Variants in LRRIQ3 observed in about 807,000 individuals in gnomAD.
LRRIQ3 encodes leucine rich repeats and IQ motif containing 3, also known as leucine-rich repeat and IQ domain-containing protein 3.
In LRRIQ3, 75 loss-of-function variants were observed where a neutral mutation model predicts 59.3. The observed-to-expected ratio is 1.26, with a 90% CI of 1.05 to 1.53. The LOEUF is 1.53. LRRIQ3 is among the 40% of genes most tolerant of loss of function. The probability of loss-of-function intolerance (pLI) is 0.00; values close to 1 mark genes in which losing one functional copy is unlikely to be tolerated. For synonymous variants in LRRIQ3, 250 were observed against 231.3 expected (o/e 1.08, Z -0.73); for missense variants, 831 against 710.0 (o/e 1.17, Z -1.94).
chr1:74,103,374 A>G (rs1176834962), intron 5 of LRRIQ3, among the ~76,000 whole-genome samples: 1 of 151,972 alleles, frequency 6.6e-6, no homozygotes, highest in Admixed American at 6.6e-5. Context: ...AATAAATTGC[A>G]TTACTGGTGG....
At chr1:74,188,835 GTC>G (rs1650573709) in intron 1 of LRRIQ3, among the ~76,000 whole-genome samples, 1 of 152,120 alleles carries the variant, frequency 6.6e-6, no homozygotes, top group Admixed American at 6.6e-5. Context: ...AAATGACAAA[GTC>G]TCTCCCATTT....
chr1:74,198,109 A>C lies in LRRIQ3; in HGVS notation c.-114T>G, dbSNP rs778748702. 1.6e-4 allele frequency: 222 copies of C among 1,363,848 alleles called. No individual in the cohort carries two copies. Among genetic ancestry groups the C allele is most frequent in the Middle Eastern group, 2.7e-4 (1 of 3,756 alleles). The allele number at this position is 1,363,848 out of a possible 1,614,324, so 84.5% of individuals were successfully genotyped here. On this transcript the variant is annotated 5_prime_UTR_variant, in exon 1 of 8. Coordinates refer to ENST00000354431, the MANE Select transcript of LRRIQ3 (RefSeq NM_001105659.2). ...TCCTGAGACCGTTGCTAGAGAAACA[A>C]GACAACATCCAAGTTCTCCACATCA...
chr1:74,178,832 C>T (rs11210427), intron 3 of LRRIQ3, among the ~76,000 whole-genome samples: 48,124 of 151,912 alleles, frequency 0.32, 8,490 homozygotes, highest in Middle Eastern at 0.45. Context: ...AATGAACGGA[C>T]TTCACTGGCA....
chr1:74,161,750 T>G (rs1005052854), intron 3 of LRRIQ3, among the ~76,000 whole-genome samples: 2 of 151,780 alleles, frequency 1.3e-5, no homozygotes, highest in Non-Finnish European at 2.9e-5. Context: ...AACAGAATAT[T>G]CATCAGCTCT....
chr1:74,100,163 G>A (rs568356780), intron 5 of LRRIQ3, among the ~76,000 whole-genome samples: 17 of 152,180 alleles, frequency 1.1e-4, no homozygotes, highest in Non-Finnish European at 1.8e-4. Flanking sequence ...AAACCCCATC[G>A]TCTCAGCCCC....
At position 74,057,603 on chromosome 1, in the gene LRRIQ3, A is replaced by G. The variant is rs564403910; in HGVS notation, c.998-15670T>C. On this transcript the variant is annotated intron_variant, in intron 6 of 7. Transcript: ENST00000354431. ...CATATAAAAAATCTACTCAAAATGC[A>G]TTAAAGACTTATATGTAAGACTTGA... Among the ~76,000 whole-genome samples the G allele has an allele frequency of 2.6e-5, 4 of 152,328 alleles. No homozygotes were observed. The South Asian group carries it at 8.3e-4, about 32-fold the overall frequency.
chr1:74,182,434 T>C (rs1650037167), intron 3 of LRRIQ3, 104 bp downstream of exon 3: 1 of 574,552 alleles, frequency 1.7e-6, no homozygotes. Flanking sequence ...ATATAAATGA[T>C]GCAAAAATAT....
chr1:74,075,850 G>C (rs555162602), intron 5 of LRRIQ3, among the ~76,000 whole-genome samples: 1 of 152,100 alleles, frequency 6.6e-6, no homozygotes, highest in African/African-American at 2.4e-5. Context: ...CTTTTCACAT[G>C]AGTGAAAATA....
In LRRIQ3 at chr1:74,062,113, G is replaced by A. The variant is rs1039122157; in HGVS notation, c.997+12548C>T. Among the ~76,000 whole-genome samples the A allele has an allele frequency of 3.3e-5, 5 of 152,010 alleles. No individual in the cohort carries two copies. In the East Asian group the frequency reaches 9.7e-4, roughly 29 times the overall value. Reference sequence around the variant, plus strand: ...CAAGGCAAAATAAATTATCAACAAAGTAAACAGACAACCTACAGAATGGGA... The same window carrying A: ...CAAGGCAAAATAAATTATCAACAAAATAAACAGACAACCTACAGAATGGGA... On this transcript the variant is annotated intron_variant, in intron 6 of 7. Coordinates refer to ENST00000354431, the MANE Select transcript of LRRIQ3 (RefSeq NM_001105659.2).
Position 74,068,345 on chromosome 1 carries a change from C to T in LRRIQ3, c.997+6316G>A, listed in dbSNP as rs765618235. 7.2e-5 allele frequency among the ~76,000 whole-genome samples: 11 copies of T among 152,142 alleles called. No individual in the cohort carries two copies. In the South Asian group the frequency reaches 2.1e-3, roughly 29 times the overall value. ...GGACCTTGCAGCTATATTAATGGAA[C>T]ATATGGCCTCTAAGATCTGCATAGC... is the stretch of plus-strand genomic sequence containing the variant. On this transcript the variant is annotated intron_variant, in intron 6 of 7. Coordinates refer to ENST00000354431, the MANE Select transcript of LRRIQ3 (RefSeq NM_001105659.2).
At chr1:74,032,168 T>G (rs553468920) in intron 7 of LRRIQ3, among the ~76,000 whole-genome samples, 2 of 152,138 alleles carry the variant, frequency 1.3e-5, no homozygotes, top group East Asian at 3.9e-4. Flanking sequence ...TTCAGATTTA[T>G]TTTAAATGTG....
Position 74,155,730 on chromosome 1 carries a change from T to C in LRRIQ3, c.707+3A>G. ...TTCAAATGGTAAAGAAAACAAAACA[T>C]ACCTCAAATTTTTTCTAACTAAGAA... On this transcript the variant is annotated splice_donor_region_variant and intron_variant, in intron 4 of 7. Coordinates refer to ENST00000354431, the MANE Select transcript of LRRIQ3 (RefSeq NM_001105659.2). The C allele has an allele frequency of 1.3e-6, 2 of 1,567,462 alleles. No homozygotes were observed. The highest frequency in any genetic ancestry group is 1.7e-6 in the Non-Finnish European group (2 of 1,164,874).
At chr1:74,093,008 C>G (rs1018103091) in intron 5 of LRRIQ3, among the ~76,000 whole-genome samples, 1 of 151,940 alleles carries the variant, frequency 6.6e-6, no homozygotes, top group South Asian at 2.1e-4. Flanking sequence ...AGTGAAAGAT[C>G]AGAAGCTTCA....
intron 4 of LRRIQ3, among the ~76,000 whole-genome samples, chr1:74,110,231 A>C (rs1477331323): frequency 6.6e-6 from 1 of 151,956 alleles, no homozygotes; most frequent in Non-Finnish European, 1.5e-5. Flanking sequence ...GTAATCTTTC[A>C]TCAAACCTAC....
At chr1:74,116,676 G>C (rs551594074) in intron 4 of LRRIQ3, among the ~76,000 whole-genome samples, 1 of 152,054 alleles carries the variant, frequency 6.6e-6, no homozygotes, top group Admixed American at 6.6e-5. Flanking sequence ...CAAAGGAAAT[G>C]TTGATCACAG....
intron 4 of LRRIQ3, among the ~76,000 whole-genome samples, chr1:74,126,944 G>C (rs1646943928): frequency 6.6e-6 from 1 of 151,968 alleles, no homozygotes; most frequent in South Asian, 2.1e-4. Flanking sequence ...TACTGAAAGT[G>C]GGGTGCTGAG....
At chr1:74,125,246 AT>A (rs974921112) in intron 4 of LRRIQ3, among the ~76,000 whole-genome samples, 1 of 151,738 alleles carries the variant, frequency 6.6e-6, no homozygotes, top group Non-Finnish European at 1.5e-5. Flanking sequence ...TCTGTTCTCA[AT>A]TTTTTTGGTG....
chr1:74,118,774 T>C (rs1402499055), intron 4 of LRRIQ3, among the ~76,000 whole-genome samples: 1 of 152,124 alleles, frequency 6.6e-6, no homozygotes, highest in East Asian at 1.9e-4. Context: ...GTCTGAAATC[T>C]GTAGGGCAGG....
intron 7 of LRRIQ3, among the ~76,000 whole-genome samples, chr1:74,031,382 A>C (rs1166118263): frequency 1.3e-5 from 2 of 152,158 alleles, no homozygotes; most frequent in Non-Finnish European, 2.9e-5. Context: ...ACAATGATAG[A>C]CTGGATTAAG....
Sources: allele counts gnomAD v4.1 joint callset (sites outside exome capture counted in the v4.1 genomes callset), GRCh38; gene constraint gnomAD v4.1.1; transcripts MANE v1.5; gene names NCBI Gene and HGNC (gene_info 2026-07-23, HGNC 2026-07-21).